Variants in LRRD1 observed in about 807,000 individuals in gnomAD.
LRRD1 encodes the protein leucine rich repeats and death domain containing 1.
In LRRD1, 49 loss-of-function variants were observed where a neutral mutation model predicts 69.5. That is an observed-to-expected ratio of 0.70 (90% CI 0.56 to 0.89). The LOEUF is 0.89. Ranked by LOEUF, LRRD1 falls within the 40% of genes least tolerant of loss-of-function variation. The pLI, the probability that LRRD1 is intolerant of heterozygous loss-of-function variation, is 0.00. For missense variants in LRRD1, 853 were observed against 956.0 expected, an observed-to-expected ratio of 0.89 and a Z score of 1.42; for synonymous variants, 303 against 338.9, an observed-to-expected ratio of 0.89 and a Z score of 1.16.
chr7:92,172,814 A>T (rs1292474925), intron 1 of LRRD1, among the ~76,000 whole-genome samples: 1 of 152,162 alleles, frequency 6.6e-6, no homozygotes, highest in Non-Finnish European at 1.5e-5. Context: ...TACCAATGAC[A>T]TTCTTCACAG....
In LRRD1 at chr7:92,147,473, GTGTTTTGTTTTGTTT is replaced by G. The variant is rs66668611; in HGVS notation, c.2279-1288_2279-1274del. On this transcript the variant is annotated intron_variant, in intron 4 of 5. Transcript: ENST00000458448. ...TTCTGGCTTTTTTATGTGCGTGGGT[GTGTTTTGTTTTGTTT>G]TGTTTTGTTTTGTTTTGTTTTGTTT... 3.7e-3 allele frequency among the ~76,000 whole-genome samples: 551 copies of G among 149,924 alleles called. 3 individuals carry two copies. The highest frequency in any genetic ancestry group is 0.01 in the African/African-American group (420 of 40,696).
intron 3 of LRRD1, among the ~76,000 whole-genome samples, chr7:92,153,635 GC>G (rs1234594193): frequency 6.6e-6 from 1 of 150,750 alleles, no homozygotes; most frequent in Non-Finnish European, 1.5e-5. Flanking sequence ...TTTGAGAGAA[GC>G]CTGGGCAACA....
At chr7:92,142,382 G>C, downstream of LRRD1, 1 of 447,212 alleles carries the variant, frequency 2.2e-6, no homozygotes, top group Non-Finnish European at 4.5e-6. Context: ...ACAAGGTTCT[G>C]TCTCTCTCTT....
intron 1 of LRRD1, among the ~76,000 whole-genome samples, chr7:92,167,876 CAAAAAAAAAAAA>C (rs542619786): frequency 0.012 from 551 of 46,198 alleles, 9 homozygotes; most frequent in African/African-American, 0.048. Context: ...GACTCTGTCT[CAAAAAAAAAAAA>C]AAAAAAAAAA....
At chr7:92,144,568 A>T (rs1017049385), downstream of LRRD1, among the ~76,000 whole-genome samples, 1 of 148,136 alleles carries the variant, frequency 6.8e-6, no homozygotes, top group African/African-American at 2.5e-5. Flanking sequence ...CAGAGGTTGC[A>T]GTGAGCCAAG....
At chr7:92,153,339 A>G (rs1788567124) in intron 3 of LRRD1, among the ~76,000 whole-genome samples, 1 of 152,180 alleles carries the variant, frequency 6.6e-6, no homozygotes, top group African/African-American at 2.4e-5. Context: ...TGCTGGGATT[A>G]TAGGCGTGAG....
At chr7:92,159,705 T>A (rs766806034) in intron 2 of LRRD1, among the ~76,000 whole-genome samples, 1 of 147,674 alleles carries the variant, frequency 6.8e-6, no homozygotes, top group Non-Finnish European at 1.5e-5. Flanking sequence ...CACTGCAACC[T>A]CTGCCTACCG....
At chr7:92,142,841 G>C (rs941588782), downstream of LRRD1, 9 of 414,864 alleles carry the variant, frequency 2.2e-5, no homozygotes, top group Non-Finnish European at 4.3e-5. Context: ...TGCGTGTTGA[G>C]TGTTACAGCT....
chr7:92,142,277 T>C (rs1820172425), downstream of LRRD1: 1 of 357,272 alleles, frequency 2.8e-6, no homozygotes, highest in Non-Finnish European at 5.5e-6. Context: ...TTAGGTCTCT[T>C]TCCATTCAAA....
intron 1 of LRRD1, among the ~76,000 whole-genome samples, chr7:92,178,344 T>C (rs1268514324): frequency 1.3e-5 from 2 of 150,594 alleles, no homozygotes; most frequent in African/African-American, 4.9e-5. Flanking sequence ...TATGAAAAAG[T>C]CTCTCATTAT....
chr7:92,163,877 GTTATTAA>G lies in LRRD1; in HGVS notation c.1319_1325del (p.Leu440ProfsTer5). On this transcript the variant is annotated frameshift_variant, in exon 2 of 6. Coordinates refer to ENST00000458448, the MANE Select transcript of LRRD1 (RefSeq NM_001161528.2). LOFTEE classifies it high-confidence loss of function. ...TTCCTGAAAATTCTAGACTGCATAT[GTTATTAA>G]GATGTGAGATACAGTCAGTTATTTT... 6.6e-7 allele frequency: 1 copy of G among 1,520,230 alleles called. No homozygotes were observed. Among genetic ancestry groups the G allele is most frequent in the Non-Finnish European group, 8.8e-7 (1 of 1,137,178 alleles). 94.2% of individuals were successfully genotyped at this position (1,520,230 alleles called of 1,614,324 possible). A position where few individuals can be genotyped will look rare whatever the true frequency, so the allele number is the denominator to read the frequency against.
intron 1 of LRRD1, among the ~76,000 whole-genome samples, chr7:92,172,743 T>C (rs1186715966): frequency 1.3e-5 from 2 of 152,124 alleles, no homozygotes; most frequent in East Asian, 3.9e-4. Context: ...AGAATCAGTA[T>C]TGTTAAAAAT....
chr7:92,176,741 T>G (rs1329185525), intron 1 of LRRD1, among the ~76,000 whole-genome samples: 1 of 151,906 alleles, frequency 6.6e-6, no homozygotes, highest in Non-Finnish European at 1.5e-5. Context: ...TTTTGTATTT[T>G]TAGTAGAGAT....
rs1351606805 is a variant in LRRD1 at position 92,145,034 on chromosome 7, T to C, written c.2437A>G (p.Ile813Val). The change falls in exon 6 of 6, where the codon ATA becomes GTA. Residue 813 changes from isoleucine to valine, a missense_variant. Coordinates refer to ENST00000458448, the MANE Select transcript of LRRD1 (RefSeq NM_001161528.2). ...LSERAHQALV[I>V]WKTQSNKLSL... ...AACTTGTTACTTTGTGTTTTCCATA[T>C]AACAAGTGCTTGGTGGGCTCTCTCA... 12 of 1,522,010 alleles carry C rather than the reference T, an allele frequency of 7.9e-6. No individual in the cohort carries two copies. In the East Asian group the frequency reaches 1.2e-4, roughly 16 times the overall value. The allele number at this position is 1,522,010 out of a possible 1,614,324, so 94.3% of individuals were successfully genotyped here. A position where few individuals can be genotyped will look rare whatever the true frequency, so the allele number is the denominator to read the frequency against.
chr7:92,178,491 T>G (rs1316430164), intron 1 of LRRD1, among the ~76,000 whole-genome samples: 1 of 151,572 alleles, frequency 6.6e-6, no homozygotes, highest in Non-Finnish European at 1.5e-5. Context: ...GCCAACAGGG[T>G]GAAACCCCGT....
intron 3 of LRRD1, among the ~76,000 whole-genome samples, chr7:92,156,715 T>A (rs1788665904): frequency 6.6e-6 from 1 of 152,232 alleles, no homozygotes; most frequent in Admixed American, 6.5e-5. Flanking sequence ...GTCTCTGTTA[T>A]CAGAAATAAT....
intron 3 of LRRD1, 39 bp from the exon 4 acceptor site, chr7:92,150,734 T>C (rs1820446296): frequency 7.1e-7 from 1 of 1,409,182 alleles, no homozygotes; most frequent in Non-Finnish European, 9.7e-7. Flanking sequence ...CATCTTTCTA[T>C]AAAAGAAAAC....
chr7:92,149,167 G>A (rs564539984), intron 4 of LRRD1, among the ~76,000 whole-genome samples: 1 of 152,268 alleles, frequency 6.6e-6, no homozygotes, highest in East Asian at 1.9e-4. Context: ...CCCAAGTCTT[G>A]CAAAAGCCTC....
chr7:92,158,267 A>G lies in LRRD1; in HGVS notation c.2116+738T>C, dbSNP rs570728546. 3.3e-5 allele frequency among the ~76,000 whole-genome samples: 5 copies of G among 152,212 alleles called. No individual in the cohort carries two copies. The East Asian group carries it at 9.7e-4, about 29-fold the overall frequency. On this transcript the variant is annotated intron_variant, in intron 3 of 5. Coordinates refer to ENST00000458448, the MANE Select transcript of LRRD1 (RefSeq NM_001161528.2). Reference sequence around the variant, plus strand: ...CACTTTGGGAGGCTGAGGCAGGTGGATCACCTGAGCCTAGAGAGGTCAAGG... The same window carrying G: ...CACTTTGGGAGGCTGAGGCAGGTGGGTCACCTGAGCCTAGAGAGGTCAAGG...
Sources: gnomAD v4.1 joint callset for allele counts (sites outside exome capture counted in the v4.1 genomes callset) on GRCh38, gnomAD v4.1.1 for gene constraint, MANE v1.5 for transcripts, NCBI Gene and HGNC (gene_info 2026-07-23, HGNC 2026-07-21) for gene names.